KCNH8: variants seen among roughly 807,000 people sequenced by gnomAD.
The protein encoded by KCNH8 is potassium voltage-gated channel subfamily H member 8.
KCNH8 carries 70 observed loss-of-function variants against 103.6 expected under a neutral mutation model. The observed-to-expected ratio is 0.68, with a 90% CI of 0.56 to 0.82. The LOEUF (loss-of-function observed/expected upper bound fraction) is 0.82, where lower values mean the gene tolerates loss of function less well. KCNH8 is among the 40% of genes least tolerant of loss of function. The pLI is 0.00. For synonymous variants in KCNH8, 498 were observed against 489.4 expected, an observed-to-expected ratio of 1.02 and a Z score of -0.23; for missense variants, 1,217 against 1,329.9, an observed-to-expected ratio of 0.92 and a Z score of 1.32.
At chr3:19,440,758 A>G (rs955756386) in intron 8 of KCNH8, among the ~76,000 whole-genome samples, 1 of 152,182 alleles carries the variant, frequency 6.6e-6, no homozygotes, top group Non-Finnish European at 1.5e-5. Flanking sequence ...ACAATAATAA[A>G]TAGTGAACAT....
chr3:19,312,894 T>C (rs1179691103), intron 3 of KCNH8, among the ~76,000 whole-genome samples: 3 of 151,962 alleles, frequency 2.0e-5, no homozygotes, highest in Non-Finnish European at 4.4e-5. Flanking sequence ...GTACCTTGTG[T>C]AGTCAAGATG....
chr3:19,312,138 C>T (rs757015890), intron 3 of KCNH8, among the ~76,000 whole-genome samples: 3 of 151,908 alleles, frequency 2.0e-5, no homozygotes, highest in Non-Finnish European at 2.9e-5. Context: ...CTGCAGCTTA[C>T]ATACAGACTT....
At chr3:19,503,727 A>G (rs953507660) in intron 11 of KCNH8, among the ~76,000 whole-genome samples, 79 of 144,742 alleles carry the variant, frequency 5.5e-4, no homozygotes, top group Admixed American at 1.5e-3. Context: ...GAATTGAACA[A>G]TGAGAACACA....
At chr3:19,450,649 C>T (rs994897017) in intron 9 of KCNH8, 18 of 312,304 alleles carry the variant, frequency 5.8e-5, no homozygotes, top group Admixed American at 9.8e-5. Context: ...TTTCCCTTAA[C>T]ATCAATAAAG....
At chr3:19,318,166 T>G (rs1251721060) in intron 3 of KCNH8, among the ~76,000 whole-genome samples, 1 of 151,964 alleles carries the variant, frequency 6.6e-6, no homozygotes, top group East Asian at 1.9e-4. Context: ...GTTGCTAGCA[T>G]TCCTGTACAC....
At chr3:19,490,808 CTT>C (rs1575132517) in intron 11 of KCNH8, among the ~76,000 whole-genome samples, 1 of 152,142 alleles carries the variant, frequency 6.6e-6, no homozygotes. Flanking sequence ...AACCTGGAGA[CTT>C]TTGGAAAACT....
intron 1 of KCNH8, among the ~76,000 whole-genome samples, chr3:19,182,605 A>G (rs1452549538): frequency 6.6e-6 from 1 of 152,200 alleles, no homozygotes; most frequent in African/African-American, 2.4e-5. Context: ...GAGCCCTGAT[A>G]TAATCCTGTG....
chr3:19,402,789 G>A (rs1383922527), intron 7 of KCNH8, among the ~76,000 whole-genome samples: 1 of 151,778 alleles, frequency 6.6e-6, no homozygotes, highest in East Asian at 1.9e-4. Context: ...TAGCTTAAAC[G>A]AGAAAGACAT....
chr3:19,305,278 A>G (rs1282179526), intron 3 of KCNH8, among the ~76,000 whole-genome samples: 4 of 152,156 alleles, frequency 2.6e-5, no homozygotes, highest in Non-Finnish European at 5.9e-5. Flanking sequence ...AAGGTAGAAA[A>G]AATAGATTTT....
At chr3:19,420,989 TAAGAG>T (rs1575046669) in intron 7 of KCNH8, among the ~76,000 whole-genome samples, 2 of 152,068 alleles carry the variant, frequency 1.3e-5, no homozygotes, top group East Asian at 3.8e-4. Flanking sequence ...ATACGTGTGT[TAAGAG>T]AGAAGGAGGG....
At chr3:19,313,078 A>G (rs1208769254) in intron 3 of KCNH8, among the ~76,000 whole-genome samples, 2 of 151,930 alleles carry the variant, frequency 1.3e-5, no homozygotes, top group Non-Finnish European at 2.9e-5. Context: ...TTCCAAAAAT[A>G]TGAGTGGTTG....
intron 11 of KCNH8, among the ~76,000 whole-genome samples, chr3:19,494,045 CTT>C (rs1053659702): frequency 2.6e-5 from 4 of 152,128 alleles, no homozygotes; most frequent in South Asian, 4.2e-4. Flanking sequence ...CTGTTGTTCT[CTT>C]TGTTTTCATT....
chr3:19,510,274 T>C, intron 11 of KCNH8, 89 bp from the exon 12 acceptor site: 2 of 806,438 alleles, frequency 2.5e-6, no homozygotes. Flanking sequence ...ACTCTGTACA[T>C]ACTTCTCTTT....
At chr3:19,449,106 A>C in intron 8 of KCNH8, 1 of 409,244 alleles carries the variant, frequency 2.4e-6, no homozygotes, top group Non-Finnish European at 4.6e-6. Context: ...CCATCCTTTC[A>C]CTCTACTGTT....
chr3:19,434,673 A>G (rs2067171016), intron 7 of KCNH8, among the ~76,000 whole-genome samples: 1 of 152,176 alleles, frequency 6.6e-6, no homozygotes, highest in Non-Finnish European at 1.5e-5. Context: ...AGAATTGTGG[A>G]GAGGGGGGAA....
chr3:19,361,325 G>T (rs959716126), intron 5 of KCNH8, among the ~76,000 whole-genome samples: 1 of 152,032 alleles, frequency 6.6e-6, no homozygotes, highest in Non-Finnish European at 1.5e-5. Flanking sequence ...CCAAACAGTT[G>T]AAAGTCTTGT....
At chr3:19,329,548 T>C (rs1462076508) in intron 3 of KCNH8, among the ~76,000 whole-genome samples, 1 of 152,192 alleles carries the variant, frequency 6.6e-6, no homozygotes, top group African/African-American at 2.4e-5. Flanking sequence ...CTTCTAGTTT[T>C]GACATTTTAT....
intron 5 of KCNH8, among the ~76,000 whole-genome samples, chr3:19,381,588 T>C (rs1022564621): frequency 2.0e-5 from 3 of 152,062 alleles, no homozygotes; most frequent in African/African-American, 7.2e-5. Context: ...AAGTTCTGAA[T>C]TGATATTCAC....
At chr3:19,352,513 C>G (rs894239461) in intron 5 of KCNH8, among the ~76,000 whole-genome samples, 1 of 152,088 alleles carries the variant, frequency 6.6e-6, no homozygotes, top group African/African-American at 2.4e-5. Flanking sequence ...TGCAAAAGAA[C>G]AGAAATTATA....
Sources: gnomAD v4.1 joint callset for allele counts (sites outside exome capture counted in the v4.1 genomes callset) on GRCh38, gnomAD v4.1.1 for gene constraint, MANE v1.5 for transcripts, NCBI Gene and HGNC (gene_info 2026-07-23, HGNC 2026-07-21) for gene names.